The following MXD4 variants were observed in gnomAD, a reference collection of about 807,000 sequenced individuals.
MXD4 encodes MAX dimerization protein 4.
MXD4 carries 16 observed loss-of-function variants against 24.5 expected under a neutral mutation model. The ratio of observed to expected loss-of-function variants is 0.65; its 90% CI spans 0.44 to 0.99. The LOEUF is 0.99. Among genes scored for constraint, MXD4 ranks in the 50% least tolerant of loss-of-function variants. The probability of loss-of-function intolerance (pLI) is 0.00; values close to 1 mark genes in which losing one functional copy is unlikely to be tolerated. For synonymous variants in MXD4, 164 were observed against 134.2 expected, an observed-to-expected ratio of 1.22 and a Z score of -1.54; for missense variants, 301 against 301.5, an observed-to-expected ratio of 1.00 and a Z score of 0.01.
chr4:2,252,794 C>T (rs1379861117), intron 3 of MXD4: 9 of 370,638 alleles, frequency 2.4e-5, no homozygotes, highest in Non-Finnish European at 3.5e-5. Flanking sequence ...TTCCTAGGAG[C>T]CCCAGCTCGC....
intron 2 of MXD4, chr4:2,260,495 C>G (rs1042202458): frequency 2.6e-5 from 12 of 453,174 alleles, no homozygotes; most frequent in African/African-American, 2.4e-4. Context: ...CCAGCTCACG[C>G]CCCAGAGTTC....
chr4:2,257,152 G>A (rs1326467311), intron 3 of MXD4, among the ~76,000 whole-genome samples: 2 of 152,202 alleles, frequency 1.3e-5, no homozygotes, highest in African/African-American at 4.8e-5. Flanking sequence ...CTGCTGTGGG[G>A]GTAGACATGG....
intron 4 of MXD4, 129 bp downstream of exon 4, chr4:2,252,279 T>C (rs1735338668): frequency 2.7e-6 from 2 of 727,524 alleles, no homozygotes; most frequent in Admixed American, 4.6e-5. Flanking sequence ...ACCCGCCAGA[T>C]GGCTCCCCAC....
At chr4:2,260,293 G>C (rs752916412) in intron 2 of MXD4, among the ~76,000 whole-genome samples, 8 of 152,248 alleles carry the variant, frequency 5.3e-5, no homozygotes, top group Non-Finnish European at 2.9e-5. Context: ...ATGGGTGAGT[G>C]GCAGGCAAGT....
At chr4:2,260,049 G>C (rs886778856) in intron 2 of MXD4, among the ~76,000 whole-genome samples, 1 of 152,228 alleles carries the variant, frequency 6.6e-6, no homozygotes, top group Non-Finnish European at 1.5e-5. Flanking sequence ...CCAGCTACTT[G>C]TCTGGGCTGG....
chr4:2,261,345 G>A (rs1048527606), intron 2 of MXD4, among the ~76,000 whole-genome samples: 1 of 152,196 alleles, frequency 6.6e-6, no homozygotes, highest in Admixed American at 6.5e-5. Flanking sequence ...GCAGACCCTG[G>A]CTGAGCCTGT....
chr4:2,261,179 G>A (rs781158853), intron 2 of MXD4, among the ~76,000 whole-genome samples: 2 of 152,220 alleles, frequency 1.3e-5, no homozygotes, highest in Non-Finnish European at 2.9e-5. Context: ...ACCCTGGGAG[G>A]AGTGAGGGCC....
In MXD4 at chr4:2,250,440, C is replaced by T. The variant is rs1378235253; in HGVS notation, c.*104G>A. 4 of 1,336,442 alleles carry T rather than the reference C, an allele frequency of 3.0e-6. No individual in the cohort carries two copies. The highest frequency in any genetic ancestry group is 3.0e-6 in the Non-Finnish European group (3 of 1,005,892). 82.8% of individuals were successfully genotyped at this position (1,336,442 alleles called of 1,614,324 possible). ...GCAGCAGCTGGAGCTTCCAGAATGG[C>T]ACAGCAGTGGGCCTGTGGAGAGGCT... is the stretch of plus-strand genomic sequence containing the variant. On this transcript the variant is annotated 3_prime_UTR_variant, in exon 6 of 6. Coordinates refer to ENST00000337190, the MANE Select transcript of MXD4 (RefSeq NM_006454.3).
intron 5 of MXD4, among the ~76,000 whole-genome samples, 170 bp from the exon 6 acceptor site, chr4:2,250,871 A>G (rs2071660): frequency 0.19 from 29,208 of 152,080 alleles, 3,886 homozygotes; most frequent in African/African-American, 0.36. Context: ...CCGGCCTCAG[A>G]AGCACCAGTC....
chr4:2,250,618 G>A lies in MXD4; in HGVS notation c.556C>T (p.Leu186=), dbSNP rs372738097. The A allele has an allele frequency of 1.2e-5, 19 of 1,613,192 alleles. No homozygotes were observed. Among genetic ancestry groups the A allele is most frequent in the Non-Finnish European group, 1.4e-5 (17 of 1,179,938 alleles). The change falls in exon 6 of 6, where the codon CTG becomes TTG. Residue 186 remains leucine (L), a synonymous_variant. Coordinates refer to ENST00000337190, the MANE Select transcript of MXD4 (RefSeq NM_006454.3). Reference sequence around the variant, plus strand: ...CTGTCGCCGCCGGTGCCACTCTGCAGGCTGTAGTGGTCGTCCGCGTCACTG... The same window carrying A: ...CTGTCGCCGCCGGTGCCACTCTGCAAGCTGTAGTGGTCGTCCGCGTCACTG... ...SSSDADDHYS[L]QSGTGGDSGF...
chr4:2,257,962 G>C lies in MXD4; in HGVS notation c.194+20C>G. 1 of 1,613,660 alleles carries C rather than the reference G, an allele frequency of 6.2e-7. No homozygotes were observed. The highest frequency in any genetic ancestry group is 2.2e-5 in the East Asian group (1 of 44,882). On this transcript the variant is annotated intron_variant, in intron 3 of 5. Transcript: ENST00000337190. ...TGGGCCAGGTGTCGGGCTCATGTGG[G>C]GAACTGGGGGGTCACTTACCTGTGC...
chr4:2,252,540 A>G lies in MXD4; in HGVS notation c.195-18T>C. 6.3e-7 allele frequency: 1 copy of G among 1,587,880 alleles called. No homozygotes were observed. The highest frequency in any genetic ancestry group is 8.6e-7 in the Non-Finnish European group (1 of 1,160,974). ...TGGCTCGTCTGAAAGAGCCAGAGAC[A>G]GAACCATCAGGCTGGGGTGGGGGAG... On this transcript the variant is annotated intron_variant, in intron 3 of 5. Coordinates refer to ENST00000337190, the MANE Select transcript of MXD4 (RefSeq NM_006454.3).
At position 2,250,221 on chromosome 4, in the gene MXD4, C is replaced by G. The variant is rs924505988; in HGVS notation, c.*323G>C. 1.1e-5 allele frequency: 4 copies of G among 352,302 alleles called. No individual in the cohort carries two copies. Among genetic ancestry groups the G allele is most frequent in the Non-Finnish European group, 2.1e-5 (4 of 191,902 alleles). 21.8% of individuals were successfully genotyped at this position (352,302 alleles called of 1,614,324 possible). The stretch of plus-strand genomic sequence containing the variant: ...ATTAAGCCCCTCACACGGCACCTGC[C>G]GAGGTTTGCAGCAATGACGTTTAAT... On this transcript the variant is annotated 3_prime_UTR_variant, in exon 6 of 6. Coordinates refer to ENST00000337190, the MANE Select transcript of MXD4 (RefSeq NM_006454.3).
Position 2,250,440 on chromosome 4 carries a change from C to A in MXD4, c.*104G>T, listed in dbSNP as rs1378235253. On this transcript the variant is annotated 3_prime_UTR_variant, in exon 6 of 6. Transcript: ENST00000337190. The stretch of plus-strand genomic sequence containing the variant: ...GCAGCAGCTGGAGCTTCCAGAATGG[C>A]ACAGCAGTGGGCCTGTGGAGAGGCT... 14 of 1,336,442 alleles carry A rather than the reference C, an allele frequency of 1.0e-5. No individual in the cohort carries two copies. 82.8% of individuals were successfully genotyped at this position (1,336,442 alleles called of 1,614,324 possible).
intron 4 of MXD4, among the ~76,000 whole-genome samples, chr4:2,251,954 A>G (rs1314713966): frequency 1.3e-5 from 2 of 152,118 alleles, no homozygotes; most frequent in Admixed American, 1.3e-4. Flanking sequence ...GCCCAGACCC[A>G]CTGCCAGCTC....
rs955881192 is a variant in MXD4, at chr4:2,249,618, G to T, written c.*926C>A. 6.6e-6 allele frequency: 1 copy of T among 152,272 alleles called. No individual in the cohort carries two copies. 9.4% of individuals were successfully genotyped at this position (152,272 alleles called of 1,614,324 possible). ...AAAAAAGGGAGATGAGTAAGCCCCC[G>T]AGGACCCAGCGGCTGCAACTTAACC... On this transcript the variant is annotated 3_prime_UTR_variant, in exon 6 of 6. Coordinates refer to ENST00000337190, the MANE Select transcript of MXD4 (RefSeq NM_006454.3).
intron 3 of MXD4, among the ~76,000 whole-genome samples, chr4:2,257,523 G>A (rs1000689276): frequency 6.6e-6 from 1 of 152,220 alleles, no homozygotes; most frequent in Admixed American, 6.5e-5. Context: ...TCAAGAGCTC[G>A]CCTGAATCCT....
intron 3 of MXD4, among the ~76,000 whole-genome samples, chr4:2,256,981 G>A (rs1735444240): frequency 6.6e-6 from 1 of 152,134 alleles, no homozygotes; most frequent in Non-Finnish European, 1.5e-5. Context: ...TGGTTCTCTT[G>A]GGCCCTGTAC....
chr4:2,250,462 G>A lies in MXD4; in HGVS notation c.*82C>T. The A allele has an allele frequency of 7.7e-6, 11 of 1,430,634 alleles. No homozygotes were observed. The South Asian group carries it at 1.4e-4, about 18-fold the overall frequency. 88.6% of individuals were successfully genotyped at this position (1,430,634 alleles called of 1,614,324 possible). A position where few individuals can be genotyped will look rare whatever the true frequency, so the allele number is the denominator to read the frequency against. On this transcript the variant is annotated 3_prime_UTR_variant, in exon 6 of 6. Transcript: ENST00000337190. The stretch of plus-strand genomic sequence containing the variant: ...TGGCACAGCAGTGGGCCTGTGGAGA[G>A]GCTGGCGTCAACTGAAGGAGAACTG...
Sources: allele counts gnomAD v4.1 joint callset (sites outside exome capture counted in the v4.1 genomes callset), GRCh38; gene constraint gnomAD v4.1.1; transcripts MANE v1.5; gene names NCBI Gene and HGNC (gene_info 2026-07-23, HGNC 2026-07-21).